The following RPS6KA6 variants were observed in gnomAD, a reference collection of about 807,000 sequenced individuals.
The protein encoded by RPS6KA6 is ribosomal protein S6 kinase alpha-6.
RPS6KA6 carries 27 observed loss-of-function variants against 65.4 expected under a neutral mutation model. The ratio of observed to expected loss-of-function variants is 0.41; its 90% CI spans 0.30 to 0.57. The LOEUF (loss-of-function observed/expected upper bound fraction) is 0.57. Ranked by LOEUF, RPS6KA6 falls within the 20% of genes least tolerant of loss-of-function variation. The pLI is 0.24. For missense variants in RPS6KA6, 486 were observed against 555.6 expected (o/e 0.87, Z 1.26); for synonymous variants, 190 against 184.2 (o/e 1.03, Z -0.26).
chrX:84,108,579 A>T (rs1569388897), intron 12 of RPS6KA6, among the ~76,000 whole-genome samples: 1 of 111,257 alleles, frequency 9.0e-6, no homozygotes, highest in Non-Finnish European at 1.9e-5. Flanking sequence ...GGAAGGGAAG[A>T]TTGAGTGAGA....
In RPS6KA6 at chrX:84,063,650, T is replaced by C. The variant is rs2033338969; in HGVS notation, c.*627A>G. ...AATATACAGATCTGCCTGCACACAT[T>C]ATCTGAGATATAATTCTTCTATAAA... On this transcript the variant is annotated 3_prime_UTR_variant, in exon 22 of 22. Transcript: ENST00000262752. 8.9e-6 allele frequency: 1 copy of C among 111,878 alleles called. No individual in the cohort carries two copies. The highest frequency in any genetic ancestry group is 1.9e-5 in the Non-Finnish European group (1 of 53,117). The allele number at this position is 111,878 out of a possible 1,213,427, so 9.2% of individuals were successfully genotyped here.
Position 84,135,167 on chromosome X carries a change from A to T in RPS6KA6, c.545T>A (p.Leu182Gln). The T allele has an allele frequency of 8.3e-7, 1 of 1,205,881 alleles. No homozygotes were observed. The highest frequency in any genetic ancestry group is 1.1e-6 in the Non-Finnish European group (1 of 891,132). Residue 182 changes from leucine (L) to glutamine (Q), a missense_variant, in exon 7 of 22, where the codon CTG becomes CAG. By Grantham distance (113) the Leu-to-Gln change is moderately radical. Transcript: ENST00000262752. ...EEDVKFYLAE[L>Q]ALALDHLHQL... ...GTGCAGATGATCCAAAGCAAGGGCC[A>T]GTTCTGCGAGGTAGAATTTCACATC... is the stretch of plus-strand genomic sequence containing the variant.
chrX:84,186,454 T>C (rs2035928943), intron 1 of RPS6KA6, among the ~76,000 whole-genome samples: 1 of 112,085 alleles, frequency 8.9e-6, no homozygotes, highest in Non-Finnish European at 1.9e-5. Flanking sequence ...CCTATTCATT[T>C]ATCTTGTTCT....
chrX:84,077,591 A>G (rs767083614), intron 20 of RPS6KA6, among the ~76,000 whole-genome samples: 19 of 112,100 alleles, frequency 1.7e-4, no homozygotes, highest in Non-Finnish European at 3.4e-4. Context: ...TGTACCATAT[A>G]TATATATGTT....
intron 20 of RPS6KA6, among the ~76,000 whole-genome samples, chrX:84,075,279 T>C (rs2033640946): frequency 9.0e-6 from 1 of 111,111 alleles, no homozygotes; most frequent in South Asian, 3.8e-4. Context: ...ATCAAACTTC[T>C]AGAGATAAAA....
chrX:84,074,103 C>A (rs1255891549), intron 20 of RPS6KA6, among the ~76,000 whole-genome samples: 2 of 111,870 alleles, frequency 1.8e-5, no homozygotes, highest in Admixed American at 9.5e-5. Flanking sequence ...TCACAATAGA[C>A]AAGATATAAA....
intron 9 of RPS6KA6, among the ~76,000 whole-genome samples, chrX:84,118,251 C>G (rs1191655072): frequency 9.0e-6 from 1 of 111,457 alleles, no homozygotes; most frequent in Non-Finnish European, 1.9e-5. Flanking sequence ...TCTTCTGTAT[C>G]TTAATGTCTC....
At chrX:84,180,006 C>A (rs956411033) in intron 1 of RPS6KA6, among the ~76,000 whole-genome samples, 3 of 111,647 alleles carry the variant, frequency 2.7e-5, no homozygotes, top group Non-Finnish European at 5.7e-5. Context: ...AGTACAATTT[C>A]TTTAACACAT....
chrX:84,085,162 A>T (rs1466404416), intron 20 of RPS6KA6, among the ~76,000 whole-genome samples: 2 of 109,809 alleles, frequency 1.8e-5, no homozygotes, highest in Non-Finnish European at 3.8e-5. Flanking sequence ...AGAAAATTTG[A>T]CTTCTCTATT....
At chrX:84,087,255 T>A (rs890554240) in intron 20 of RPS6KA6, among the ~76,000 whole-genome samples, 1 of 111,894 alleles carries the variant, frequency 8.9e-6, no homozygotes, top group African/African-American at 3.3e-5. Flanking sequence ...ATGTAACTGG[T>A]CTGTGTACTT....
chrX:84,133,944 C>A (rs1014064236), intron 8 of RPS6KA6, among the ~76,000 whole-genome samples: 1 of 112,144 alleles, frequency 8.9e-6, no homozygotes, highest in African/African-American at 3.2e-5. Context: ...TTTATTTTTG[C>A]ATTGATGCAG....
Position 84,062,639 on chromosome X carries a change from C to T in RPS6KA6, c.*1638G>A, listed in dbSNP as rs957380552. ...AGATACCTCAAAATAAGAATACATA[C>T]TTTAATATATCACACCCAGGAAACA... is the stretch of plus-strand genomic sequence containing the variant. On this transcript the variant is annotated 3_prime_UTR_variant, in exon 22 of 22. Coordinates refer to ENST00000262752, the MANE Select transcript of RPS6KA6 (RefSeq NM_014496.5). The T allele has an allele frequency of 1.8e-5, 2 of 111,322 alleles. No individual in the cohort carries two copies. Among genetic ancestry groups the T allele is most frequent in the Non-Finnish European group, 3.8e-5 (2 of 52,955 alleles). 9.2% of individuals were successfully genotyped at this position (111,322 alleles called of 1,213,427 possible).
intron 20 of RPS6KA6, among the ~76,000 whole-genome samples, chrX:84,075,840 CAG>C (rs1262756382): frequency 9.0e-6 from 1 of 111,547 alleles, no homozygotes. Flanking sequence ...CATTTCATAA[CAG>C]AGGGGATAAG....
chrX:84,081,772 G>A lies in RPS6KA6; in HGVS notation c.1971+14422C>T, dbSNP rs759697877. On this transcript the variant is annotated intron_variant, in intron 20 of 21. Coordinates refer to ENST00000262752, the MANE Select transcript of RPS6KA6 (RefSeq NM_014496.5). ...ACGAAAAAGACAGCTTCATCCCTGG[G>A]ATGTAAGGTTGGTTCAACATATGCC... Among the ~76,000 whole-genome samples, 7 of 111,830 alleles carry A rather than the reference G, an allele frequency of 6.3e-5. No homozygotes were observed. In the East Asian group the frequency reaches 2.0e-3, roughly 32 times the overall value.
intron 1 of RPS6KA6, among the ~76,000 whole-genome samples, chrX:84,166,472 T>A (rs1387125785): frequency 9.0e-6 from 1 of 111,166 alleles, no homozygotes; most frequent in Non-Finnish European, 1.9e-5. Flanking sequence ...AAATACTGGA[T>A]AGACTCAATA....
At chrX:84,148,435 C>T (rs2035239783) in intron 3 of RPS6KA6, among the ~76,000 whole-genome samples, 3 of 110,881 alleles carry the variant, frequency 2.7e-5, no homozygotes, top group African/African-American at 9.8e-5. Context: ...CTATAATTTA[C>T]ATTATTATTT....
chrX:84,116,910 CAG>C, intron 11 of RPS6KA6, 148 bp downstream of exon 11: 1 of 385,169 alleles, frequency 2.6e-6, no homozygotes, highest in Middle Eastern at 7.3e-4. Context: ...ATGGACATAA[CAG>C]AGTTTACTTT....
At chrX:84,075,722 T>G (rs2033650806) in intron 20 of RPS6KA6, among the ~76,000 whole-genome samples, 2 of 109,879 alleles carry the variant, frequency 1.8e-5, no homozygotes, top group African/African-American at 6.6e-5. Context: ...ATGGGAAGAC[T>G]ATGGAGCAAC....
chrX:84,163,430 G>C (rs1416114027), intron 2 of RPS6KA6, among the ~76,000 whole-genome samples: 2 of 107,874 alleles, frequency 1.9e-5, no homozygotes, highest in Non-Finnish European at 3.8e-5. Flanking sequence ...ATGAGGTCAG[G>C]AGATCGAGAC....
Sources: gnomAD v4.1 joint callset for allele counts (sites outside exome capture counted in the v4.1 genomes callset) on GRCh38, gnomAD v4.1.1 for gene constraint, MANE v1.5 for transcripts, NCBI Gene and HGNC (gene_info 2026-07-23, HGNC 2026-07-21) for gene names.